Variants in NME7 observed in about 807,000 individuals in gnomAD.
The protein encoded by NME7 is NME/NM23 family member 7.
A neutral mutation model predicts 49.1 loss-of-function variants in NME7; 41 were observed. That is an observed-to-expected ratio of 0.83 (90% CI 0.65 to 1.08). NME7 has a LOEUF of 1.08. NME7 is among the 50% of genes least tolerant of loss of function. NME7 has a pLI of 0.00. For missense variants in NME7, 423 were observed against 463.4 expected, an observed-to-expected ratio of 0.91 and a Z score of 0.80; for synonymous variants, 139 against 150.6, an observed-to-expected ratio of 0.92 and a Z score of 0.56.
At chr1:169,163,345 A>T (rs1659303937) in intron 11 of NME7, among the ~76,000 whole-genome samples, 1 of 152,080 alleles carries the variant, frequency 6.6e-6, no homozygotes, top group Non-Finnish European at 1.5e-5. Flanking sequence ...TAAATTTGCC[A>T]GTATCTTGTT....
chr1:169,362,156 C>T (rs986670542), intron 1 of NME7, among the ~76,000 whole-genome samples: 2 of 152,010 alleles, frequency 1.3e-5, no homozygotes, highest in African/African-American at 4.8e-5. Flanking sequence ...TGCAGTGACC[C>T]GAGATCACAC....
At chr1:169,326,481 T>C (rs1652061375) in intron 1 of NME7, among the ~76,000 whole-genome samples, 5 of 152,248 alleles carry the variant, frequency 3.3e-5, no homozygotes, top group East Asian at 3.9e-4. Flanking sequence ...AGACATGTGC[T>C]GAGTCTCAAG....
At position 169,324,381 on chromosome 1, in the gene NME7, A is replaced by T; in HGVS notation, c.111+12T>A. 3.9e-6 allele frequency: 6 copies of T among 1,556,168 alleles called. No homozygotes were observed. Among genetic ancestry groups the T allele is most frequent in the Middle Eastern group, 1.7e-4 (1 of 5,960 alleles). ...CCTTTGCCAACATTCAAGCAAAGAA[A>T]GGCTTATTTACCATTTCAACAGATC... On this transcript the variant is annotated intron_variant, in intron 2 of 11. Coordinates refer to ENST00000367811, the MANE Select transcript of NME7 (RefSeq NM_013330.5).
intron 3 of NME7, among the ~76,000 whole-genome samples, chr1:169,317,434 T>A (rs1651687859): frequency 2.0e-5 from 3 of 152,212 alleles, no homozygotes; most frequent in Admixed American, 1.3e-4. Flanking sequence ...GCAGTTACAC[T>A]GTTGTTGGGT....
intron 10 of NME7, among the ~76,000 whole-genome samples, chr1:169,180,137 T>C (rs571002200): frequency 1.3e-5 from 2 of 152,272 alleles, no homozygotes; most frequent in African/African-American, 4.8e-5. Context: ...TAGAAAGATT[T>C]TGGTGCCTTT....
In NME7 at chr1:169,135,854, T is replaced by C. The variant is rs149981322; in HGVS notation, c.1099-3037A>G. On this transcript the variant is annotated intron_variant, in intron 11 of 11. Coordinates refer to ENST00000367811, the MANE Select transcript of NME7 (RefSeq NM_013330.5). ...TATCTTACTAAGGTGTTGACTCTTA[T>C]TGACTACAGAATTCAGCTCTTTCAT... Among the ~76,000 whole-genome samples the C allele has an allele frequency of 2.3e-3, 355 of 152,232 alleles. 1 individual carries two copies. The highest frequency in any genetic ancestry group is 7.8e-3 in the African/African-American group (324 of 41,538).
chr1:169,294,035 C>T (rs1650616552), intron 6 of NME7, among the ~76,000 whole-genome samples: 1 of 152,034 alleles, frequency 6.6e-6, no homozygotes, highest in African/African-American at 2.4e-5. Context: ...ACTAATATTA[C>T]ATCCAGTACA....
chr1:169,277,271 A>G lies in NME7; in HGVS notation c.754+10032T>C, dbSNP rs374679829. Among the ~76,000 whole-genome samples the G allele has an allele frequency of 7.5e-3, 1,027 of 136,908 alleles. 12 individuals carry two copies. Among genetic ancestry groups the G allele is most frequent in the African/African-American group, 0.017 (639 of 37,780 alleles). The allele number at this position is 136,908 out of a possible 152,430, so 89.8% of individuals were successfully genotyped here. On this transcript the variant is annotated intron_variant, in intron 7 of 11. Transcript: ENST00000367811. Reference sequence around the variant, plus strand: ...GACTTTCTGTCTCGTTGATCTGTCTAATGTTGACAGTGGGGTGTTAAAGTC... The same window carrying G: ...GACTTTCTGTCTCGTTGATCTGTCTGATGTTGACAGTGGGGTGTTAAAGTC...
intron 10 of NME7, among the ~76,000 whole-genome samples, chr1:169,205,534 C>T (rs1465243315): frequency 6.6e-6 from 1 of 152,082 alleles, no homozygotes; most frequent in East Asian, 1.9e-4. Context: ...TGATATAATC[C>T]TCACAACCGG....
chr1:169,357,698 C>T (rs1653511239), intron 1 of NME7, among the ~76,000 whole-genome samples: 1 of 151,992 alleles, frequency 6.6e-6, no homozygotes, highest in Admixed American at 6.6e-5. Flanking sequence ...AATGATAAAA[C>T]TGTACTTGCC....
chr1:169,156,376 A>G (rs1659074321), intron 11 of NME7, among the ~76,000 whole-genome samples: 1 of 152,104 alleles, frequency 6.6e-6, no homozygotes, highest in Non-Finnish European at 1.5e-5. Context: ...ACCATTTCCC[A>G]GGGAATAGGT....
intron 3 of NME7, among the ~76,000 whole-genome samples, chr1:169,312,509 T>G (rs1452242818): frequency 6.6e-6 from 1 of 152,108 alleles, no homozygotes; most frequent in Admixed American, 6.5e-5. Context: ...AACAAAACAT[T>G]ATAAAAACCA....
chr1:169,158,237 T>C (rs1015303105), intron 11 of NME7, among the ~76,000 whole-genome samples: 2 of 152,178 alleles, frequency 1.3e-5, no homozygotes, highest in Non-Finnish European at 2.9e-5. Context: ...TATACTACGT[T>C]TTTCCATATG....
chr1:169,145,229 T>C (rs1320964), intron 11 of NME7, among the ~76,000 whole-genome samples: 9,375 of 152,262 alleles, frequency 0.062, 1,183 homozygotes, highest in East Asian at 0.6. Context: ...CGGTTTTTAT[T>C]CATTTACTCA....
rs186548191 is a variant in NME7 at position 169,141,066 on chromosome 1, C to T, written c.1099-8249G>A. ...ATCTCATCTTTTCCTTTCTCTGTGC[C>T]TCAGAGGAATGACAAACTGAAATTA... On this transcript the variant is annotated intron_variant, in intron 11 of 11. Coordinates refer to ENST00000367811, the MANE Select transcript of NME7 (RefSeq NM_013330.5). 5.7e-4 allele frequency among the ~76,000 whole-genome samples: 86 copies of T among 152,106 alleles called. No homozygotes were observed. In the East Asian group the frequency reaches 0.016, roughly 28 times the overall value.
intron 10 of NME7, among the ~76,000 whole-genome samples, chr1:169,197,338 T>G (rs1476060526): frequency 1.3e-5 from 2 of 152,168 alleles, no homozygotes; most frequent in Non-Finnish European, 2.9e-5. Context: ...TAATTCTGGA[T>G]GATTCATTTC....
intron 8 of NME7, among the ~76,000 whole-genome samples, chr1:169,236,457 T>C (rs1159663533): frequency 6.6e-6 from 1 of 152,124 alleles, no homozygotes; most frequent in Non-Finnish European, 1.5e-5. Context: ...AAAATTATTT[T>C]TTTCATTAGT....
At chr1:169,258,356 A>T (rs1297248237) in intron 7 of NME7, among the ~76,000 whole-genome samples, 1 of 100,698 alleles carries the variant, frequency 9.9e-6, no homozygotes, top group Non-Finnish European at 2.3e-5. Context: ...CAAAAAAAAT[A>T]AAATAAAATA....
intron 10 of NME7, among the ~76,000 whole-genome samples, chr1:169,174,679 G>C (rs1169982748): frequency 6.6e-6 from 1 of 152,062 alleles, no homozygotes; most frequent in African/African-American, 2.4e-5. Context: ...AATATTGTAG[G>C]CAACTGTAAC....
Sources: allele counts gnomAD v4.1 joint callset (sites outside exome capture counted in the v4.1 genomes callset), GRCh38; gene constraint gnomAD v4.1.1; transcripts MANE v1.5; gene names NCBI Gene and HGNC (gene_info 2026-07-23, HGNC 2026-07-21).